The following C16orf46 variants were observed in gnomAD, a reference collection of about 807,000 sequenced individuals.
C16orf46 encodes chromosome 16 open reading frame 46, also known as uncharacterized protein C16orf46.
Under a neutral mutation model 5.5 loss-of-function variants are expected in C16orf46, and 7 were observed. The observed-to-expected ratio is 1.28, with a 90% CI of 0.73 to 2.40. C16orf46 has a LOEUF of 2.40. Ranked by LOEUF, C16orf46 falls within the 30% of genes most tolerant of loss-of-function variation. C16orf46 has a pLI of 0.00. For missense variants in C16orf46, 614 were observed against 476.0 expected (o/e 1.29, Z -2.70); for synonymous variants, 200 against 184.1 (o/e 1.09, Z -0.70).
At chr16:81,064,584 C>T (rs1158906372) in intron 2 of C16orf46, among the ~76,000 whole-genome samples, 1 of 151,572 alleles carries the variant, frequency 6.6e-6, no homozygotes, top group Non-Finnish European at 1.5e-5. Context: ...CCCATCTCTA[C>T]CAAAAATACA....
At chr16:81,059,161 T>C (rs918697931), downstream of C16orf46, among the ~76,000 whole-genome samples, 2 of 151,550 alleles carry the variant, frequency 1.3e-5, no homozygotes, top group South Asian at 4.2e-4. Flanking sequence ...TCTCTACTAA[T>C]AATACAAAAA....
In C16orf46 at chr16:81,061,652, AAG is replaced by A; in HGVS notation, c.695_696del (p.Ser232PhefsTer31). The A allele has an allele frequency of 6.2e-7, 1 of 1,614,212 alleles. No individual in the cohort carries two copies. The highest frequency in any genetic ancestry group is 8.5e-7 in the Non-Finnish European group (1 of 1,180,030). Reference protein sequence around the residue: ...LDVLGKKSKNSFLQSEEKVLD... With the variant: ...LDVLGKKSKNXFLQSEEKVLD... Reference sequence around the variant, plus strand: ...AGCACCTTCTCTTCTGACTGCAAGAAAGAGTTCTTACTCTTCTTACCCAGAAC... The same window carrying A: ...AGCACCTTCTCTTCTGACTGCAAGAAAGTTCTTACTCTTCTTACCCAGAAC... On this transcript the variant is annotated frameshift_variant, in exon 4 of 4. Transcript: ENST00000299578. LOFTEE classifies it low-confidence loss of function (END_TRUNC).
At position 81,061,564 on chromosome 16, in the gene C16orf46, C is replaced by A; in HGVS notation, c.785G>T (p.Gly262Val). 1 of 1,614,182 alleles carries A rather than the reference C, an allele frequency of 6.2e-7. No homozygotes were observed. The highest frequency in any genetic ancestry group is 8.5e-7 in the Non-Finnish European group (1 of 1,180,038). The change falls in exon 4 of 4, where the codon GGT (glycine) becomes GTT (valine). Residue 262 changes from glycine (G) to valine (V), a missense_variant. By Grantham distance (109) the Gly-to-Val change is moderately radical (BLOSUM62 -3). Coordinates refer to ENST00000299578, the MANE Select transcript of C16orf46 (RefSeq NM_152337.3). ...GGCCAGCTCACTGGCTCTTTTTTCA[C>A]CTTTCCCATCTGCTGTTTTCAAGCC... Reference protein sequence around the residue: ...AYGLKTADGKGEKRASELAKH... With the variant: ...AYGLKTADGKVEKRASELAKH...
In C16orf46 at chr16:81,066,834, G is replaced by A. The variant is rs544202143; in HGVS notation, c.-127-553C>T. Among the ~76,000 whole-genome samples, 4 of 152,186 alleles carry A rather than the reference G, an allele frequency of 2.6e-5. No homozygotes were observed. In the East Asian group the frequency reaches 7.7e-4, roughly 29 times the overall value. ...AGCATACATCAAAGTCCATACAAAC[G>A]TTTTCCACCACATCAAGAAAACACA... is the stretch of plus-strand genomic sequence containing the variant. On this transcript the variant is annotated intron_variant, in intron 1 of 3. Transcript: ENST00000299578.
downstream of C16orf46, among the ~76,000 whole-genome samples, chr16:81,057,131 T>G (rs1971321508): frequency 6.6e-6 from 1 of 152,112 alleles, no homozygotes; most frequent in Admixed American, 6.5e-5. Flanking sequence ...CAGCCCCAAA[T>G]AGTGCCCAGG....
rs545481925 is a variant in C16orf46, at chr16:81,067,272, A to G, written c.-127-991T>C. Among the ~76,000 whole-genome samples the G allele has an allele frequency of 3.1e-4, 47 of 152,328 alleles. 1 individual carries two copies. In the South Asian group the frequency reaches 9.5e-3, roughly 31 times the overall value. ...AGTGGTTTATTTTCTTTTACCAATA[A>G]CATGTTTTGCTTCAAAATAATGTGA... On this transcript the variant is annotated intron_variant, in intron 1 of 3. Coordinates refer to ENST00000299578, the MANE Select transcript of C16orf46 (RefSeq NM_152337.3).
intron 3 of C16orf46, among the ~76,000 whole-genome samples, chr16:81,054,533 G>A (rs1292366032): frequency 1.3e-5 from 2 of 150,248 alleles, no homozygotes; most frequent in Non-Finnish European, 2.9e-5. Context: ...ATATATATAT[G>A]TATATACATG....
chr16:81,060,898 T>A (rs1971441187), downstream of C16orf46: 5 of 1,031,144 alleles, frequency 4.8e-6, no homozygotes, highest in Admixed American at 4.0e-5. Flanking sequence ...CAAGACCAAT[T>A]GGCATTTTGT....
chr16:81,074,824 C>A (rs1485132216), intron 1 of C16orf46, among the ~76,000 whole-genome samples: 2 of 149,064 alleles, frequency 1.3e-5, no homozygotes, highest in Non-Finnish European at 3.0e-5. Context: ...TTTCTTTATT[C>A]TTTTTGTTTT....
chr16:81,063,899 A>T lies in C16orf46; in HGVS notation c.57T>A (p.Ile19=). ...TDLENAENNE[I]QFTEETEPTY... ...TTGGTTCTGTTTCTTCTGTGAACTG[A>T]ATTTCATTATTTTCAGCATTTTCTA... Residue 19 remains isoleucine, a synonymous_variant, in exon 3 of 4, where the codon ATT becomes ATA. Coordinates refer to ENST00000299578, the MANE Select transcript of C16orf46 (RefSeq NM_152337.3). 1 of 1,613,704 alleles carries T rather than the reference A, an allele frequency of 6.2e-7. No individual in the cohort carries two copies. The highest frequency in any genetic ancestry group is 1.1e-5 in the South Asian group (1 of 91,072).
At chr16:81,070,824 T>C (rs574979457) in intron 1 of C16orf46, among the ~76,000 whole-genome samples, 74 of 152,278 alleles carry the variant, frequency 4.9e-4, no homozygotes, top group African/African-American at 1.7e-3. Context: ...AGTAGCTTTA[T>C]GATCTTATAA....
chr16:81,058,290 T>C (rs903403144), downstream of C16orf46, among the ~76,000 whole-genome samples: 10 of 152,338 alleles, frequency 6.6e-5, no homozygotes, highest in African/African-American at 2.2e-4. Flanking sequence ...TTTTTACTTA[T>C]TGCAGTGAAC....
exon 4 of C16orf46, chr16:81,053,924 G>A (rs9926366): frequency 0.063 from 50,191 of 798,060 alleles, 1,753 homozygotes; most frequent in Middle Eastern, 0.11. Context: ...CAAACGTGGC[G>A]TCTTCTTACT....
At chr16:81,060,307 GTTTTC>G (rs1457635989), downstream of C16orf46, 2 of 152,550 alleles carry the variant, frequency 1.3e-5, no homozygotes, top group Admixed American at 1.3e-4. Context: ...ACAAGCTGGA[GTTTTC>G]TTTTCTTTCT....
At chr16:81,073,955 C>G (rs371489167) in intron 1 of C16orf46, among the ~76,000 whole-genome samples, 4 of 152,318 alleles carry the variant, frequency 2.6e-5, no homozygotes, top group African/African-American at 9.6e-5. Context: ...AAAGCATCAA[C>G]AGAAAACTAA....
At chr16:81,066,843 C>A (rs1448796835) in intron 1 of C16orf46, among the ~76,000 whole-genome samples, 4 of 152,088 alleles carry the variant, frequency 2.6e-5, no homozygotes, top group Non-Finnish European at 5.9e-5. Flanking sequence ...CGTTTTCCAC[C>A]ACATCAAGAA....
rs748015552 is a variant in C16orf46, at chr16:81,061,529, T to A, written c.820A>T (p.Met274Leu). Residue 274 changes from methionine (M) to leucine (L), a missense_variant, in exon 4 of 4, where the codon ATG becomes TTG. By Grantham distance (15) the Met-to-Leu change is conservative (BLOSUM62 2). Coordinates refer to ENST00000299578, the MANE Select transcript of C16orf46 (RefSeq NM_152337.3). ...GGGGAGGATGGCGTGTCGTTGACCATAGGGTGTTTGGCCAGCTCACTGGCT... is the reference window on the plus strand; with the variant it reads ...GGGGAGGATGGCGTGTCGTTGACCAAAGGGTGTTTGGCCAGCTCACTGGCT... The part of the protein sequence containing the change: ...KRASELAKHP[M>L]VNDTPSSPSP... 1 of 1,614,044 alleles carries A rather than the reference T, an allele frequency of 6.2e-7. No individual in the cohort carries two copies. Among genetic ancestry groups the A allele is most frequent in the Non-Finnish European group, 8.5e-7 (1 of 1,180,036 alleles).
At chr16:81,067,090 G>A (rs1346748010) in intron 1 of C16orf46, among the ~76,000 whole-genome samples, 1 of 152,090 alleles carries the variant, frequency 6.6e-6, no homozygotes, top group Non-Finnish European at 1.5e-5. Flanking sequence ...AAGAAAAACT[G>A]ATCAAAGAAC....
intron 1 of C16orf46, among the ~76,000 whole-genome samples, chr16:81,071,169 G>C (rs1295190608): frequency 1.3e-5 from 2 of 152,154 alleles, no homozygotes; most frequent in Non-Finnish European, 2.9e-5. Flanking sequence ...AGAATGAAAA[G>C]AACATTCCTA....
Sources: allele counts gnomAD v4.1 joint callset (sites outside exome capture counted in the v4.1 genomes callset), GRCh38; gene constraint gnomAD v4.1.1; transcripts MANE v1.5; gene names NCBI Gene and HGNC (gene_info 2026-07-23, HGNC 2026-07-21).